The following TMEM200B variants were observed in gnomAD, a reference collection of about 807,000 sequenced individuals.
The protein encoded by TMEM200B is transmembrane protein 200B, also known as transmembrane protein TTMA.
TMEM200B carries 12 observed loss-of-function variants against 17.6 expected under a neutral mutation model. The ratio of observed to expected loss-of-function variants is 0.68; its 90% CI spans 0.44 to 1.11. The LOEUF is 1.11. Ranked by LOEUF, TMEM200B falls within the 50% of genes least tolerant of loss-of-function variation. The pLI, the probability that TMEM200B is intolerant of heterozygous loss-of-function variation, is 0.00. For synonymous variants in TMEM200B, 234 were observed against 209.2 expected (o/e 1.12, Z -1.02); for missense variants, 456 against 447.6 (o/e 1.02, Z -0.17).
In TMEM200B at chr1:29,121,442, G is replaced by A. The variant is rs1671774593; in HGVS notation, c.387C>T (p.Phe129=). The part of the protein sequence containing the change: ...PVIMGVGLFV[F]ICANTLLYEN... ...CATACAGCAGTGTGTTGGCGCAGAT[G>A]AACACGAACAGGCCGACGCCCATGA... The change falls in exon 2 of 2, where the codon TTC becomes TTT. Residue 129 remains phenylalanine, a synonymous_variant. Transcript: ENST00000521452. The surrounding 1 kb of genome is among the most constrained non-coding windows in gnomAD (Gnocchi z 5.6). The A allele has an allele frequency of 2.0e-6, 3 of 1,535,006 alleles. No individual in the cohort carries two copies. The highest frequency in any genetic ancestry group is 2.4e-5 in the East Asian group (1 of 40,836).
chr1:29,121,268 T>G lies in TMEM200B; in HGVS notation c.561A>C (p.Glu187Asp). Residue 187 changes from glutamate (E) to aspartate (D), a missense_variant, in exon 2 of 2, where the codon GAA (glutamate) becomes GAC (aspartate). Transcript: ENST00000521452. This position sits in a 1 kb window ranked among gnomAD's most constrained non-coding sequence, Gnocchi z 5.6. ...CCCGACGCGGGGACGGGTCCCAGAT[T>G]TCTGGCTCTGCGCAGCCTACGGCTC... The part of the protein sequence containing the change: ...SPRAVGCAEP[E>D]IWDPSPRRGT... The G allele has an allele frequency of 6.2e-7, 1 of 1,611,682 alleles. No individual in the cohort carries two copies. Among genetic ancestry groups the G allele is most frequent in the Non-Finnish European group, 8.5e-7 (1 of 1,179,512 alleles).
At chr1:29,123,755 C>A (rs1333575397) in intron 1 of TMEM200B, 101 bp downstream of exon 1, 1 of 146,446 alleles carries the variant, frequency 6.8e-6, no homozygotes, top group African/African-American at 2.5e-5. Context: ...CGCGCTCCCG[C>A]CCCCAGGGGC....
rs1391228528 is a variant in TMEM200B, at chr1:29,119,583, C to G, written c.*1322G>C. 1 of 151,610 alleles carries G rather than the reference C, an allele frequency of 6.6e-6. No homozygotes were observed. The highest frequency in any genetic ancestry group is 1.5e-5 in the Non-Finnish European group (1 of 67,926). 9.4% of individuals were successfully genotyped at this position (151,610 alleles called of 1,614,324 possible). On this transcript the variant is annotated 3_prime_UTR_variant, in exon 2 of 2. Coordinates refer to ENST00000521452, the MANE Select transcript of TMEM200B (RefSeq NM_001003682.4). ...GACCCGTCAGGGCCCCGTGACCCAT[C>G]CCCGTCCCCACCCCCCCCTCCACCG...
chr1:29,121,511 C>T lies in TMEM200B; in HGVS notation c.318G>A (p.Arg106=), dbSNP rs1389044458. 5.3e-6 allele frequency: 8 copies of T among 1,506,284 alleles called. No homozygotes were observed. Among genetic ancestry groups the T allele is most frequent in the Non-Finnish European group, 7.1e-6 (8 of 1,133,718 alleles). The allele number at this position is 1,506,284 out of a possible 1,614,324, so 93.3% of individuals were successfully genotyped here. The change falls in exon 2 of 2, where the codon CGG becomes CGA. Residue 106 remains arginine, a synonymous_variant. Coordinates refer to ENST00000521452, the MANE Select transcript of TMEM200B (RefSeq NM_001003682.4). The surrounding 1 kb of genome is among the most constrained non-coding windows in gnomAD (Gnocchi z 5.6). ...ELRREGRGGG[R]AHGPHERLRL... ...GCAGCCGCTCGTGCGGGCCGTGAGC[C>T]CGGCCCCCGCCGCGACCCTCGCGTC... is the stretch of plus-strand genomic sequence containing the variant.
rs1386791125 is a variant in TMEM200B at position 29,120,420 on chromosome 1, G to T, written c.*485C>A. 1 of 165,086 alleles carries T rather than the reference G, an allele frequency of 6.1e-6. No homozygotes were observed. The highest frequency in any genetic ancestry group is 2.4e-5 in the African/African-American group (1 of 41,760). 10.2% of individuals were successfully genotyped at this position (165,086 alleles called of 1,614,324 possible). A position where few individuals can be genotyped will look rare whatever the true frequency, so the allele number is the denominator to read the frequency against. ...AGTTCAAGGCTCAGTCCCCGTCCCA[G>T]ATGGCAGTGGAGAGTCTCATCCCGT... On this transcript the variant is annotated 3_prime_UTR_variant, in exon 2 of 2. Coordinates refer to ENST00000521452, the MANE Select transcript of TMEM200B (RefSeq NM_001003682.4).
chr1:29,121,789 T>C lies in TMEM200B; in HGVS notation c.40A>G (p.Arg14Gly), dbSNP rs746045195. Residue 14 changes from arginine to glycine, a missense_variant, in exon 2 of 2, where the codon AGG becomes GGG. Coordinates refer to ENST00000521452, the MANE Select transcript of TMEM200B (RefSeq NM_001003682.4). The surrounding 1 kb of genome is among the most constrained non-coding windows in gnomAD (Gnocchi z 5.6). ...CGAGAGACGCGGCCCTCGGGGCTCC[T>C]CCGCACCTCCCCGCATTCTTCGGGG... ...GSPEECGEVR[R>G]SPEGRVSRLG... 5.5e-6 allele frequency: 7 copies of C among 1,267,122 alleles called. No individual in the cohort carries two copies. The highest frequency in any genetic ancestry group is 6.0e-6 in the Non-Finnish European group (6 of 1,008,042). The allele number at this position is 1,267,122 out of a possible 1,614,324, so 78.5% of individuals were successfully genotyped here.
Position 29,121,394 on chromosome 1 carries a change from T to C in TMEM200B, c.435A>G (p.Arg145=). 1.3e-6 allele frequency: 2 copies of C among 1,543,598 alleles called. No individual in the cohort carries two copies. Among genetic ancestry groups the C allele is most frequent in the Non-Finnish European group, 1.7e-6 (2 of 1,148,076 alleles). The stretch of plus-strand genomic sequence containing the variant: ...CCCGCAGCACCCCCTGGCGGAGCCG[T>C]CGCGTCTCCAAGTCTCGGTTCTCAT... ...LLYENRDLET[R]RLRQGVLRAQ... is the part of the protein sequence containing the mutation. The change falls in exon 2 of 2, where the codon CGA becomes CGG. Residue 145 remains arginine (R), a synonymous_variant. Transcript: ENST00000521452. The surrounding 1 kb of genome is among the most constrained non-coding windows in gnomAD (Gnocchi z 5.6).
Position 29,120,777 on chromosome 1 carries a change from G to T in TMEM200B, c.*128C>A, listed in dbSNP as rs928413918. The T allele has an allele frequency of 2.7e-5, 33 of 1,216,496 alleles. No individual in the cohort carries two copies. Among genetic ancestry groups the T allele is most frequent in the Non-Finnish European group, 3.6e-5 (32 of 887,228 alleles). 75.4% of individuals were successfully genotyped at this position (1,216,496 alleles called of 1,614,324 possible). ...GGTCAGGATGCCCTTCACAGCTGCT[G>T]TGGTCAGAGCATCCATCCCCAGCCT... On this transcript the variant is annotated 3_prime_UTR_variant, in exon 2 of 2. Transcript: ENST00000521452.
At chr1:29,122,125 C>T (rs538108) in intron 1 of TMEM200B, among the ~76,000 whole-genome samples, 19,407 of 152,182 alleles carry the variant, frequency 0.13, 1,768 homozygotes, top group African/African-American at 0.26. Context: ...CAGGCTGTTC[C>T]CTGGCGCATC....
At position 29,119,597 on chromosome 1, in the gene TMEM200B, C is replaced by A. The variant is rs935350165; in HGVS notation, c.*1308G>T. 2 of 152,232 alleles carry A rather than the reference C, an allele frequency of 1.3e-5. No individual in the cohort carries two copies. The highest frequency in any genetic ancestry group is 2.9e-5 in the Non-Finnish European group (2 of 68,072). The allele number at this position is 152,232 out of a possible 1,614,324, so 9.4% of individuals were successfully genotyped here. ...CCGTGACCCATCCCCGTCCCCACCC[C>A]CCCCTCCACCGCTGGGCCCATCAGT... is the stretch of plus-strand genomic sequence containing the variant. On this transcript the variant is annotated 3_prime_UTR_variant, in exon 2 of 2. Coordinates refer to ENST00000521452, the MANE Select transcript of TMEM200B (RefSeq NM_001003682.4).
rs753501276 is a variant in TMEM200B, at chr1:29,121,285, C to G, written c.544G>C (p.Gly182Arg). The G allele has an allele frequency of 5.1e-5, 82 of 1,608,962 alleles. No homozygotes were observed. The South Asian group carries it at 6.6e-4, about 13-fold the overall frequency. ...SPGPRSPRAV[G>R]CAEPEIWDPS... ...TCCCAGATTTCTGGCTCTGCGCAGC[C>G]TACGGCTCGGGGACTCCTAGGGCCG... is the stretch of plus-strand genomic sequence containing the variant. The change falls in exon 2 of 2, where the codon GGC becomes CGC. Residue 182 changes from glycine (G) to arginine (R), a missense_variant. Gly to Arg is a moderately radical substitution (Grantham distance 125). Coordinates refer to ENST00000521452, the MANE Select transcript of TMEM200B (RefSeq NM_001003682.4). The surrounding 1 kb of genome is among the most constrained non-coding windows in gnomAD (Gnocchi z 5.6).
intron 1 of TMEM200B, among the ~76,000 whole-genome samples, chr1:29,122,849 A>G (rs1043180772): frequency 3.9e-5 from 6 of 152,206 alleles, no homozygotes; most frequent in African/African-American, 1.4e-4. Context: ...CGGGCCGCAC[A>G]GCTTAAGCCC....
At position 29,119,924 on chromosome 1, in the gene TMEM200B, G is replaced by A. The variant is rs1364929176; in HGVS notation, c.*981C>T. ...ATTGGCAGAATCTTTAGACTACACA[G>A]GCAATAATCAAGTCTGCTGTTTTGG... On this transcript the variant is annotated 3_prime_UTR_variant, in exon 2 of 2. Coordinates refer to ENST00000521452, the MANE Select transcript of TMEM200B (RefSeq NM_001003682.4). 1 of 152,630 alleles carries A rather than the reference G, an allele frequency of 6.6e-6. No individual in the cohort carries two copies. Among genetic ancestry groups the A allele is most frequent in the Non-Finnish European group, 1.5e-5 (1 of 68,042 alleles). 9.5% of individuals were successfully genotyped at this position (152,630 alleles called of 1,614,324 possible).
In TMEM200B at chr1:29,121,166, G is replaced by A. The variant is rs1448266970; in HGVS notation, c.663C>T (p.Leu221=). 2 of 1,613,502 alleles carry A rather than the reference G, an allele frequency of 1.2e-6. No homozygotes were observed. The highest frequency in any genetic ancestry group is 1.1e-5 in the South Asian group (1 of 91,090). Residue 221 remains leucine, a synonymous_variant, in exon 2 of 2, where the codon CTC becomes CTT. Transcript: ENST00000521452. This position sits in a 1 kb window ranked among gnomAD's most constrained non-coding sequence, Gnocchi z 5.6. ...CGGGGCCCTTCAGCGGGTAGCTGTT[G>A]AGCAAGGCAGGTAACCCCAAGCGAG... ...ANPRLGLPAL[L]NSYPLKGPGL... is the part of the protein sequence containing the mutation.
chr1:29,121,403 C>T lies in TMEM200B; in HGVS notation c.426G>A (p.Leu142=), dbSNP rs1316538125. Residue 142 remains leucine (L), a synonymous_variant, in exon 2 of 2, where the codon TTG becomes TTA. Transcript: ENST00000521452. The surrounding 1 kb of genome is among the most constrained non-coding windows in gnomAD (Gnocchi z 5.6). ...ANTLLYENRD[L]ETRRLRQGVL... The stretch of plus-strand genomic sequence containing the variant: ...CCCCCTGGCGGAGCCGTCGCGTCTC[C>T]AAGTCTCGGTTCTCATACAGCAGTG... 1 of 1,540,992 alleles carries T rather than the reference C, an allele frequency of 6.5e-7. No individual in the cohort carries two copies. The highest frequency in any genetic ancestry group is 8.7e-7 in the Non-Finnish European group (1 of 1,147,500).
In TMEM200B at chr1:29,121,025, G is replaced by A. The variant is rs1671742261; in HGVS notation, c.804C>T (p.Leu268=). The A allele has an allele frequency of 1.9e-6, 3 of 1,613,744 alleles. No individual in the cohort carries two copies. The highest frequency in any genetic ancestry group is 2.5e-6 in the Non-Finnish European group (3 of 1,180,030). Residue 268 remains leucine, a synonymous_variant, in exon 2 of 2, where the codon CTC becomes CTT. Coordinates refer to ENST00000521452, the MANE Select transcript of TMEM200B (RefSeq NM_001003682.4). The surrounding 1 kb of genome is among the most constrained non-coding windows in gnomAD (Gnocchi z 5.6). ...SKSLDLGLGE[L]LLGAPAARDC... Reference sequence around the variant, plus strand: ...CCCGAGCTGCTGGGGCCCCAAGGAGGAGCTCCCCAAGGCCCAGATCCAGAG... The same window carrying A: ...CCCGAGCTGCTGGGGCCCCAAGGAGAAGCTCCCCAAGGCCCAGATCCAGAG...
intron 1 of TMEM200B, among the ~76,000 whole-genome samples, chr1:29,123,263 C>T (rs1671878864): frequency 6.6e-6 from 1 of 152,218 alleles, no homozygotes; most frequent in Admixed American, 6.5e-5. Context: ...GCAACTACGG[C>T]CCAGGGAGGC....
In TMEM200B at chr1:29,120,271, G is replaced by GA. The variant is rs542678044; in HGVS notation, c.*633dup. The GA allele has an allele frequency of 3.8e-4, 58 of 152,766 alleles. No individual in the cohort carries two copies. The highest frequency in any genetic ancestry group is 6.0e-4 in the Non-Finnish European group (41 of 68,112). 9.5% of individuals were successfully genotyped at this position (152,766 alleles called of 1,614,324 possible). The stretch of plus-strand genomic sequence containing the variant: ...CATAGGCCACGATAAAGGAAGGAGA[G>GA]AAGGGGCTTCTCAGACTTATTTGCA... On this transcript the variant is annotated 3_prime_UTR_variant, in exon 2 of 2. Transcript: ENST00000521452.
Position 29,120,813 on chromosome 1 carries a change from T to G in TMEM200B, c.*92A>C. The stretch of plus-strand genomic sequence containing the variant: ...ATCCATCCCCAGCCTGGGATGTGAC[T>G]GAAACATCTATTAGACGTTGGGACT... On this transcript the variant is annotated 3_prime_UTR_variant, in exon 2 of 2. Coordinates refer to ENST00000521452, the MANE Select transcript of TMEM200B (RefSeq NM_001003682.4). 3 of 1,409,282 alleles carry G rather than the reference T, an allele frequency of 2.1e-6. No individual in the cohort carries two copies. The highest frequency in any genetic ancestry group is 2.8e-6 in the Non-Finnish European group (3 of 1,059,716). The allele number at this position is 1,409,282 out of a possible 1,614,324, so 87.3% of individuals were successfully genotyped here. A position where few individuals can be genotyped will look rare whatever the true frequency, so the allele number is the denominator to read the frequency against.
Sources: gnomAD v4.1 joint callset for allele counts (sites outside exome capture counted in the v4.1 genomes callset) on GRCh38, gnomAD v4.1.1 for gene constraint, Gnocchi (gnomAD v3.1) non-coding constraint, MANE v1.5 for transcripts, NCBI Gene and HGNC (gene_info 2026-07-23, HGNC 2026-07-21) for gene names.